The following LINGO2 variants were observed in gnomAD, a reference collection of about 807,000 sequenced individuals.
LINGO2 encodes the protein leucine-rich repeat and immunoglobulin-like domain-containing nogo receptor-interacting protein 2.
In LINGO2, 14 loss-of-function variants were observed where a neutral mutation model predicts 30.6. The observed-to-expected ratio is 0.46, with a 90% confidence interval of 0.30 to 0.72. LINGO2 has a LOEUF of 0.72. Ranked by LOEUF, LINGO2 falls within the 30% of genes least tolerant of loss-of-function variation. The probability of loss-of-function intolerance (pLI) is 0.07; values close to 1 mark genes in which losing one functional copy is unlikely to be tolerated. For missense variants in LINGO2, 729 were observed against 751.7 expected (o/e 0.97, Z 0.35); for synonymous variants, 317 against 288.5 (o/e 1.10, Z -1.00).
chr9:29,139,024 C>A, the LINGO2 span, among the ~76,000 whole-genome samples: 1 of 152,286 alleles, frequency 6.6e-6, no homozygotes, highest in East Asian at 1.9e-4. Flanking sequence ...GACTTGCTTG[C>A]ACACTCTTTT....
chr9:29,185,230 A>G, the LINGO2 span, among the ~76,000 whole-genome samples: 1 of 152,264 alleles, frequency 6.6e-6, no homozygotes, highest in South Asian at 2.1e-4. Flanking sequence ...AGTACAGAAC[A>G]TGCTAGGCCT....
rs564823033 is a variant in LINGO2 at position 28,434,107 on chromosome 9, C to A, written c.-279+41833G>T. ...AGTGAAGTAATTCAGGATTGGAAAA[C>A]CAAATATCGTATGTTCTCACTTACA... is the stretch of plus-strand genomic sequence containing the variant. On this transcript the variant is annotated intron_variant, in intron 2 of 5. Transcript: ENST00000379992. Among the ~76,000 whole-genome samples, 9 of 151,496 alleles carry A rather than the reference C, an allele frequency of 5.9e-5. No individual in the cohort carries two copies. In the East Asian group the frequency reaches 1.6e-3, roughly 26 times the overall value.
At chr9:27,942,542 A>G in the LINGO2 span, 2 of 152,220 alleles carry the variant, frequency 1.3e-5, no homozygotes, top group Non-Finnish European at 2.9e-5. Flanking sequence ...AGCTAAAGAG[A>G]TGCAAACCTA....
intron 4 of LINGO2, among the ~76,000 whole-genome samples, chr9:28,027,414 C>T (rs1413293100): frequency 1.3e-5 from 2 of 152,156 alleles, no homozygotes; most frequent in South Asian, 2.1e-4. Context: ...TTACCTGAAG[C>T]AATAACAATC....
chr9:29,002,123 G>A, the LINGO2 span, among the ~76,000 whole-genome samples: 1 of 151,908 alleles, frequency 6.6e-6, no homozygotes, highest in Non-Finnish European at 1.5e-5. Flanking sequence ...CTTTTAGTCA[G>A]AGTTATTAAA....
the LINGO2 span, among the ~76,000 whole-genome samples, chr9:28,922,965 C>A: frequency 2.0e-5 from 3 of 151,998 alleles, no homozygotes; most frequent in African/African-American, 7.3e-5. Context: ...GAGATTTAAC[C>A]ATTAAAGATG....
chr9:28,441,877 T>C (rs999898496), intron 2 of LINGO2, among the ~76,000 whole-genome samples: 2 of 152,306 alleles, frequency 1.3e-5, no homozygotes, highest in Non-Finnish European at 1.5e-5. Context: ...TGATAACTTA[T>C]TGTGTTTAAG....
the LINGO2 span, among the ~76,000 whole-genome samples, chr9:29,085,363 C>CA: frequency 7.9e-6 from 1 of 125,836 alleles, no homozygotes; most frequent in Admixed American, 8.2e-5. Context: ...TTAAGAAAGA[C>CA]AAAAATAATG....
chr9:27,962,501 G>A (rs191208906), intron 5 of LINGO2, among the ~76,000 whole-genome samples: 8 of 152,188 alleles, frequency 5.3e-5, no homozygotes, highest in Admixed American at 1.3e-4. Flanking sequence ...TAAGCACCCC[G>A]GCAAGCCTGC....
At chr9:28,530,028 G>A (rs956960283) in intron 1 of LINGO2, among the ~76,000 whole-genome samples, 9 of 152,028 alleles carry the variant, frequency 5.9e-5, no homozygotes, top group Non-Finnish European at 1.0e-4. Flanking sequence ...AAGGTTGGAA[G>A]TAGAAGTAGG....
the LINGO2 span, among the ~76,000 whole-genome samples, chr9:29,017,765 C>T: frequency 6.6e-6 from 1 of 152,082 alleles, no homozygotes; most frequent in Non-Finnish European, 1.5e-5. Context: ...ATCCACATTT[C>T]TCACAGGGAC....
intron 4 of LINGO2, among the ~76,000 whole-genome samples, chr9:28,041,327 T>C (rs1345151383): frequency 1.3e-5 from 2 of 152,218 alleles, no homozygotes; most frequent in Non-Finnish European, 2.9e-5. Context: ...AACAGTGCAG[T>C]AGATAGACTG....
chr9:29,129,281 A>T, the LINGO2 span, among the ~76,000 whole-genome samples: 18 of 152,272 alleles, frequency 1.2e-4, no homozygotes, highest in African/African-American at 3.8e-4. Flanking sequence ...GAAACCTTAA[A>T]TGATAGTGTT....
intron 5 of LINGO2, among the ~76,000 whole-genome samples, chr9:27,957,183 C>T (rs189789711): frequency 3.9e-5 from 6 of 152,182 alleles, no homozygotes; most frequent in Non-Finnish European, 1.5e-5. Context: ...ATCAGTTGAC[C>T]GTATATGCAC....
chr9:28,793,453 T>C, the LINGO2 span, among the ~76,000 whole-genome samples: 3 of 152,220 alleles, frequency 2.0e-5, no homozygotes, highest in Non-Finnish European at 2.9e-5. Context: ...AGAGTTGTTA[T>C]TTTATTCCAA....
At chr9:29,015,285 C>A in the LINGO2 span, among the ~76,000 whole-genome samples, 1 of 152,160 alleles carries the variant, frequency 6.6e-6, no homozygotes, top group Middle Eastern at 3.4e-3. Flanking sequence ...GCATCTGTAC[C>A]ACATAAAGGT....
intron 2 of LINGO2, among the ~76,000 whole-genome samples, chr9:28,387,106 A>T (rs1192383581): frequency 6.6e-6 from 1 of 152,148 alleles, no homozygotes; most frequent in Admixed American, 6.5e-5. Flanking sequence ...TAAACACACC[A>T]ATCAGCACTC....
At chr9:29,188,173 C>A in the LINGO2 span, among the ~76,000 whole-genome samples, 31 of 151,542 alleles carry the variant, frequency 2.0e-4, no homozygotes, top group African/African-American at 6.8e-4. Flanking sequence ...CGGCCTTCCG[C>A]AGTGTTTGTG....
At chr9:28,922,786 T>C in the LINGO2 span, among the ~76,000 whole-genome samples, 1 of 152,194 alleles carries the variant, frequency 6.6e-6, no homozygotes, top group Admixed American at 6.5e-5. Flanking sequence ...GTAGGCTGAA[T>C]AATGATTTTC....
Sources: allele counts gnomAD v4.1 joint callset (sites outside exome capture counted in the v4.1 genomes callset), GRCh38; gene constraint gnomAD v4.1.1; transcripts MANE v1.5; gene names NCBI Gene and HGNC (gene_info 2026-07-23, HGNC 2026-07-21).